Variants in TWIST2 observed in about 807,000 individuals in gnomAD.
TWIST2 encodes the protein twist family bHLH transcription factor 2.
Under a neutral mutation model 11.6 loss-of-function variants are expected in TWIST2, and 1 was observed. The ratio of observed to expected loss-of-function variants is 0.09; its 90% confidence interval spans 0.03 to 0.41. The LOEUF is 0.41. Ranked by LOEUF, TWIST2 falls within the 10% of genes least tolerant of loss-of-function variation. The pLI is 0.98. For missense variants in TWIST2, 168 were observed against 226.4 expected (o/e 0.74, Z 1.66); for synonymous variants, 87 against 96.6 (o/e 0.90, Z 0.58).
chr2:238,900,121 TAGATACAGA>T (rs1693251335), intron 1 of TWIST2, among the ~76,000 whole-genome samples: 1 of 152,216 alleles, frequency 6.6e-6, no homozygotes, highest in Admixed American at 6.5e-5. Context: ...CTTCGTGGGG[TAGATACAGA>T]CCTTTGTAAC....
At chr2:238,865,835 C>T (rs1692520073) in intron 1 of TWIST2, among the ~76,000 whole-genome samples, 1 of 152,170 alleles carries the variant, frequency 6.6e-6, no homozygotes, top group Non-Finnish European at 1.5e-5. Flanking sequence ...GCAATCCCCA[C>T]AGTCTGTGCG....
intron 1 of TWIST2, among the ~76,000 whole-genome samples, chr2:238,908,265 GCACCA>G (rs1693389765): frequency 1.6e-5 from 2 of 122,028 alleles, no homozygotes; most frequent in Non-Finnish European, 3.3e-5. Flanking sequence ...CATACACCAT[GCACCA>G]TACATACCAC....
intron 1 of TWIST2, among the ~76,000 whole-genome samples, chr2:238,865,595 C>T (rs888715726): frequency 6.6e-5 from 10 of 152,306 alleles, no homozygotes; most frequent in South Asian, 2.1e-4. Flanking sequence ...ACCCACCTGG[C>T]GTCTCCTGGC....
At chr2:238,886,845 G>T (rs1053269785) in intron 1 of TWIST2, 8 of 152,198 alleles carry the variant, frequency 5.3e-5, no homozygotes, top group African/African-American at 1.9e-4. Context: ...GAGGAAGAGG[G>T]GGCAGTGTTT....
At position 238,864,826 on chromosome 2, in the gene TWIST2, C is replaced by T. The variant is rs570302885; in HGVS notation, c.*35+16093C>T. Among the ~76,000 whole-genome samples, 169 of 152,168 alleles carry T rather than the reference C, an allele frequency of 1.1e-3. No homozygotes were observed. The highest frequency in any genetic ancestry group is 3.9e-3 in the African/African-American group (162 of 41,536). ...TCTCTGAGCATCTGTGAGGGGTTTT[C>T]CTCTCCTTAGGGACCCCTGGAAGGT... On this transcript the variant is annotated intron_variant, in intron 1 of 1. Transcript: ENST00000612363. This position sits in a 1 kb window ranked among gnomAD's most constrained non-coding sequence, Gnocchi z 4.7.
intron 1 of TWIST2, among the ~76,000 whole-genome samples, chr2:238,908,296 T>C (rs1693390543): frequency 1.6e-5 from 2 of 123,784 alleles, no homozygotes; most frequent in African/African-American, 3.2e-5. Flanking sequence ...ACACACACAC[T>C]TCACACTGTA....
At chr2:238,899,756 T>C (rs1416403852) in intron 1 of TWIST2, among the ~76,000 whole-genome samples, 2 of 152,230 alleles carry the variant, frequency 1.3e-5, no homozygotes, top group Middle Eastern at 3.2e-3. Flanking sequence ...GATTTGCTAA[T>C]GTCTTAGGAC....
rs996327515 is a variant in TWIST2 at position 238,898,394 on chromosome 2, G to C, written c.*36-11448G>C. 3.5e-3 allele frequency among the ~76,000 whole-genome samples: 532 copies of C among 152,344 alleles called. 8 individuals are homozygous for C. Among genetic ancestry groups the C allele is most frequent in the Non-Finnish European group, 2.9e-3 (199 of 68,020 alleles). On this transcript the variant is annotated intron_variant, in intron 1 of 1. Transcript: ENST00000612363. ...GCGCAGATGTTGACTCTGAGGCTCC[G>C]AGGCCTGAGACTGCATCTCTGAAAG...
chr2:238,903,474 GTGTGCATGATGTGA>G (rs1693304445), intron 1 of TWIST2, among the ~76,000 whole-genome samples: 1 of 129,178 alleles, frequency 7.7e-6, no homozygotes, highest in Admixed American at 7.6e-5. Flanking sequence ...TGTGTGATGT[GTGTGCATGATGTGA>G]GGTGTGTGTG....
chr2:238,880,433 CATTAGTGTTAGTGTTAGTATTTATTAGT>C (rs1359553039), intron 1 of TWIST2, among the ~76,000 whole-genome samples: 4 of 110,590 alleles, frequency 3.6e-5, no homozygotes, highest in Non-Finnish European at 7.2e-5. Context: ...TATTTATTAG[CATTAGTGTTAGTGTTAGTATTTATTAGT>C]ATTAGTTACT....
chr2:238,859,358 A>G (rs1374480226), intron 1 of TWIST2, among the ~76,000 whole-genome samples: 1 of 152,072 alleles, frequency 6.6e-6, no homozygotes, highest in Non-Finnish European at 1.5e-5. Context: ...AAATCCATAC[A>G]GGCAGAAAGG....
In TWIST2 at chr2:238,870,183, CACATCACATACCACACACAA is replaced by C. The variant is rs1430230111; in HGVS notation, c.*35+21453_*35+21472del. On this transcript the variant is annotated intron_variant, in intron 1 of 1. Transcript: ENST00000612363. Reference sequence around the variant, plus strand: ...CCACACACACCACACACCCCACACACACATCACATACCACACACAAACCACACACCCCACACACACATCAC... The same window carrying C: ...CCACACACACCACACACCCCACACACACCACACACCCCACACACACATCAC... 3.5e-3 allele frequency among the ~76,000 whole-genome samples: 233 copies of C among 66,104 alleles called. 8 individuals are homozygous for C. The highest frequency in any genetic ancestry group is 6.3e-3 in the Middle Eastern group (1 of 158). The allele number at this position is 66,104 out of a possible 152,430, so 43.4% of individuals were successfully genotyped here.
chr2:238,853,844 T>C (rs944028083), intron 1 of TWIST2, among the ~76,000 whole-genome samples: 4 of 152,230 alleles, frequency 2.6e-5, no homozygotes, highest in Admixed American at 2.6e-4. Context: ...GTGCTTCAGA[T>C]ATCTGGGCTA....
At chr2:238,870,535 T>TACACACCCC (rs1559274146) in intron 1 of TWIST2, among the ~76,000 whole-genome samples, 2 of 13,638 alleles carry the variant, frequency 1.5e-4, no homozygotes, top group African/African-American at 3.0e-4. Context: ...CCACACACCC[T>TACACACCCC]ACATACCCCA....
chr2:238,892,771 G>C (rs928426845), intron 1 of TWIST2, among the ~76,000 whole-genome samples: 1 of 152,106 alleles, frequency 6.6e-6, no homozygotes, highest in East Asian at 1.9e-4. Context: ...GTGAGCCGCC[G>C]CAACCGGCCT....
intron 1 of TWIST2, among the ~76,000 whole-genome samples, chr2:238,860,822 C>T (rs1436460639): frequency 6.6e-6 from 1 of 152,174 alleles, no homozygotes; most frequent in Non-Finnish European, 1.5e-5. Flanking sequence ...CCTGTAATCC[C>T]AGCTACTCGG....
intron 1 of TWIST2, among the ~76,000 whole-genome samples, chr2:238,906,182 C>A (rs1344044246): frequency 6.6e-6 from 1 of 151,966 alleles, no homozygotes; most frequent in Non-Finnish European, 1.5e-5. Flanking sequence ...CACACGTCCC[C>A]CCTGCACACT....
intron 1 of TWIST2, chr2:238,887,083 G>A (rs1172430565): frequency 1.3e-5 from 2 of 151,948 alleles, no homozygotes; most frequent in African/African-American, 2.4e-5. Flanking sequence ...TATCATTTGA[G>A]CTCCTAAGGG....
At chr2:238,855,080 G>A (rs1271248887) in intron 1 of TWIST2, among the ~76,000 whole-genome samples, 2 of 152,202 alleles carry the variant, frequency 1.3e-5, no homozygotes, top group African/African-American at 4.8e-5. Context: ...TAGCTCGGCG[G>A]AAGAGTGCAC....
Sources: gnomAD v4.1 joint callset for allele counts (sites outside exome capture counted in the v4.1 genomes callset) on GRCh38, gnomAD v4.1.1 for gene constraint, Gnocchi (gnomAD v3.1) non-coding constraint, MANE v1.5 for transcripts, NCBI Gene and HGNC (gene_info 2026-07-23, HGNC 2026-07-21) for gene names.